KCND3: variants seen among roughly 807,000 people sequenced by gnomAD.
KCND3 encodes the protein potassium voltage-gated channel subfamily D member 3, also known as A-type voltage-gated potassium channel KCND3.
In KCND3, 9 loss-of-function variants were observed where a neutral mutation model predicts 51.1. The observed-to-expected ratio is 0.18, with a 90% confidence interval of 0.11 to 0.31. KCND3 has a LOEUF of 0.31. KCND3 is among the 10% of genes least tolerant of loss of function. The pLI is 1.00. For synonymous variants in KCND3, 349 were observed against 368.0 expected, an observed-to-expected ratio of 0.95 and a Z score of 0.59; for missense variants, 526 against 903.8, an observed-to-expected ratio of 0.58 and a Z score of 5.36.
intron 2 of KCND3, among the ~76,000 whole-genome samples, chr1:111,805,840 GACAGAATGAAA>G (rs1665541581): frequency 6.6e-6 from 1 of 152,216 alleles, no homozygotes; most frequent in African/African-American, 2.4e-5. Flanking sequence ...ATTACAGAAG[GACAGAATGAAA>G]ACAGAGGCTC....
intron 2 of KCND3, among the ~76,000 whole-genome samples, chr1:111,795,473 A>G (rs1177368167): frequency 6.6e-6 from 1 of 152,228 alleles, no homozygotes; most frequent in Admixed American, 6.5e-5. Context: ...ACAAGGTACT[A>G]TTAGCCCCAT....
intron 2 of KCND3, among the ~76,000 whole-genome samples, chr1:111,889,766 G>A (rs952490591): frequency 3.3e-5 from 5 of 152,154 alleles, no homozygotes; most frequent in African/African-American, 1.2e-4. Flanking sequence ...AAATGGGGTA[G>A]GGGAACAATA....
At position 111,981,495 on chromosome 1, in the gene KCND3, C is replaced by T. The variant is rs984519683; in HGVS notation, c.1106+126G>A. 9.3e-6 allele frequency: 13 copies of T among 1,393,456 alleles called. No homozygotes were observed. Among genetic ancestry groups the T allele is most frequent in the Non-Finnish European group, 1.2e-5 (12 of 990,534 alleles). The allele number at this position is 1,393,456 out of a possible 1,614,324, so 86.3% of individuals were successfully genotyped here. On this transcript the variant is annotated intron_variant, in intron 2 of 7. Transcript: ENST00000302127. The surrounding 1 kb of genome is among the most constrained non-coding windows in gnomAD (Gnocchi z 6.2). ...TACCCTTCGGATAGAGCAACTTCCC[C>T]TGCCCCCAACACTTGGGTAAGGGAC...
At chr1:111,970,581 T>C (rs894846) in intron 2 of KCND3, among the ~76,000 whole-genome samples, 33,310 of 152,104 alleles carry the variant, frequency 0.22, 4,312 homozygotes, top group East Asian at 0.55. Context: ...GCCTCTGACA[T>C]TGTTGAGCCC....
chr1:111,770,854 T>C lies in KCND3; in HGVS notation c.*5223A>G, dbSNP rs950802992. Reference sequence around the variant, plus strand: ...GTTTTCATGTTTTATCTTCCTGCAGTTTTGTACAGTATATTTCTTCTTTGC... The same window carrying C: ...GTTTTCATGTTTTATCTTCCTGCAGCTTTGTACAGTATATTTCTTCTTTGC... On this transcript the variant is annotated 3_prime_UTR_variant, in exon 8 of 8. Coordinates refer to ENST00000302127, the MANE Select transcript of KCND3 (RefSeq NM_001378969.1). The C allele has an allele frequency of 2.0e-5, 3 of 152,116 alleles. No individual in the cohort carries two copies. Among genetic ancestry groups the C allele is most frequent in the Non-Finnish European group, 2.9e-5 (2 of 67,992 alleles). 9.4% of individuals were successfully genotyped at this position (152,116 alleles called of 1,614,324 possible).
chr1:111,809,098 A>C (rs1424821298), intron 2 of KCND3, among the ~76,000 whole-genome samples: 1 of 152,184 alleles, frequency 6.6e-6, no homozygotes, highest in African/African-American at 2.4e-5. Flanking sequence ...GAAGCTTTGG[A>C]AGCCTGGCTG....
At chr1:111,794,345 C>T (rs1483048360) in intron 2 of KCND3, among the ~76,000 whole-genome samples, 1 of 152,224 alleles carries the variant, frequency 6.6e-6, no homozygotes, top group Non-Finnish European at 1.5e-5. Context: ...CCAGTTTTGC[C>T]TGCCTCTCAG....
intron 2 of KCND3, among the ~76,000 whole-genome samples, chr1:111,818,503 C>A (rs186224769): frequency 6.6e-6 from 1 of 152,318 alleles, no homozygotes; most frequent in East Asian, 1.9e-4. Context: ...CACCTGTCTG[C>A]GAGCCTTCTC....
At chr1:111,801,236 G>A (rs935715470) in intron 2 of KCND3, among the ~76,000 whole-genome samples, 7 of 152,346 alleles carry the variant, frequency 4.6e-5, no homozygotes, top group Admixed American at 2.0e-4. Context: ...GGGAGAAAGC[G>A]GGAAGGTGGG....
intron 2 of KCND3, among the ~76,000 whole-genome samples, chr1:111,822,814 G>C (rs1053417385): frequency 1.3e-5 from 2 of 152,176 alleles, no homozygotes; most frequent in South Asian, 4.1e-4. Context: ...ATCAGAAATA[G>C]ATAGGGCTAC....
intron 2 of KCND3, among the ~76,000 whole-genome samples, chr1:111,917,592 G>A (rs1254543746): frequency 6.6e-6 from 1 of 152,156 alleles, no homozygotes; most frequent in African/African-American, 2.4e-5. Context: ...ATCGGGGAGG[G>A]CCATTGGAAG....
At chr1:111,801,704 G>C (rs1357407839) in intron 2 of KCND3, among the ~76,000 whole-genome samples, 4 of 152,178 alleles carry the variant, frequency 2.6e-5, no homozygotes, top group African/African-American at 9.7e-5. Flanking sequence ...GGTAAATCCA[G>C]GTTGCTCCAA....
intron 2 of KCND3, among the ~76,000 whole-genome samples, chr1:111,868,924 G>C (rs2101709320): frequency 6.6e-6 from 1 of 152,140 alleles, no homozygotes; most frequent in Non-Finnish European, 1.5e-5. Flanking sequence ...TTTATTTTTG[G>C]TAGAGATGGG....
Position 111,787,163 on chromosome 1 carries a change from C to T in KCND3, c.1107-57G>A, listed in dbSNP as rs1664637797. 2.6e-6 allele frequency: 4 copies of T among 1,555,430 alleles called. No homozygotes were observed. The African/African-American group carries it at 4.1e-5, about 16-fold the overall frequency. Reference sequence around the variant, plus strand: ...AGAGAGGGCCATTTGGGAAACAAGGCAGGCTTCCCTGCCAATCATTCACCT... The same window carrying T: ...AGAGAGGGCCATTTGGGAAACAAGGTAGGCTTCCCTGCCAATCATTCACCT... On this transcript the variant is annotated intron_variant, in intron 2 of 7. Transcript: ENST00000302127.
rs1219152562 is a variant in KCND3, at chr1:111,776,153, G to A, written c.1892C>T (p.Pro631Leu). ...GTTGGGGCCTGGGCTGGCAGGGGGT[G>A]GCCGACTTTCCCCCTCTGGGGTTAG... ...PALTPEGESR[P>L]PPASPGPNTN... The change falls in exon 8 of 8, where the codon CCA (proline) becomes CTA (leucine). Residue 631 changes from proline (P) to leucine (L), a missense_variant. By Grantham distance (98) the Pro-to-Leu change is moderately conservative (BLOSUM62 -3). Around this residue, in one of 5 missense-constraint regions of KCND3, gnomAD observed 266 missense variants for 305.5 expected, o/e 0.87. Transcript: ENST00000302127. The A allele has an allele frequency of 6.2e-7, 1 of 1,614,202 alleles. No individual in the cohort carries two copies. The highest frequency in any genetic ancestry group is 8.5e-7 in the Non-Finnish European group (1 of 1,180,028).
chr1:111,960,506 A>T (rs1673588706), intron 2 of KCND3, among the ~76,000 whole-genome samples: 1 of 152,224 alleles, frequency 6.6e-6, no homozygotes, highest in Non-Finnish European at 1.5e-5. Flanking sequence ...TCCCCACAGC[A>T]GTGGTCAGGC....
At chr1:111,841,667 G>A (rs918517840) in intron 2 of KCND3, among the ~76,000 whole-genome samples, 1 of 152,206 alleles carries the variant, frequency 6.6e-6, no homozygotes. Context: ...ACAACTGTAA[G>A]CAGCTAAATT....
At chr1:111,777,422 G>A in intron 6 of KCND3, 149 bp from the exon 7 acceptor site, 1 of 831,774 alleles carries the variant, frequency 1.2e-6, no homozygotes, top group Non-Finnish European at 2.0e-6. Flanking sequence ...TTCAGGAGGG[G>A]TGATGTCCCA....
Position 111,776,298 on chromosome 1 carries a change from G to A in KCND3, c.1767-20C>T. 4 of 1,609,452 alleles carry A rather than the reference G, an allele frequency of 2.5e-6. No individual in the cohort carries two copies. Among genetic ancestry groups the A allele is most frequent in the Non-Finnish European group, 2.5e-6 (3 of 1,177,284 alleles). The stretch of plus-strand genomic sequence containing the variant: ...GAGCGACTGGGATAGAAAAGAGTGA[G>A]TTGATGATGGTTCCTGCTGGCCAGC... On this transcript the variant is annotated intron_variant, in intron 7 of 7. Transcript: ENST00000302127.
Sources: gnomAD v4.1 joint callset for allele counts (sites outside exome capture counted in the v4.1 genomes callset) on GRCh38, gnomAD v4.1.1 for gene constraint, gnomAD v4.1.1 regional missense constraint, Gnocchi (gnomAD v3.1) non-coding constraint, MANE v1.5 for transcripts, NCBI Gene and HGNC (gene_info 2026-07-23, HGNC 2026-07-21) for gene names.